RNF123: variants seen among roughly 807,000 people sequenced by gnomAD.
RNF123 encodes ring finger protein 123, also known as E3 ubiquitin-protein ligase RNF123.
A neutral mutation model predicts 168.5 loss-of-function variants in RNF123; 86 were observed. The ratio of observed to expected loss-of-function variants is 0.51; its 90% CI spans 0.43 to 0.61. RNF123 has a LOEUF of 0.61. Among genes scored for constraint, RNF123 ranks in the 20% least tolerant of loss-of-function variants. RNF123 has a pLI of 0.00. For synonymous variants in RNF123, 666 were observed against 689.1 expected, an observed-to-expected ratio of 0.97 and a Z score of 0.52; for missense variants, 1,419 against 1,729.7, an observed-to-expected ratio of 0.82 and a Z score of 3.19.
chr3:49,697,714 A>G (rs1309257968), intron 5 of RNF123, among the ~76,000 whole-genome samples, 171 bp from the exon 6 acceptor site: 1 of 152,024 alleles, frequency 6.6e-6, no homozygotes, highest in East Asian at 1.9e-4. Context: ...TTGGCCCAGG[A>G]TCCTTCCTGA....
In RNF123 at chr3:49,705,007, TG is replaced by T; in HGVS notation, c.1989del (p.Pro664HisfsTer27). ...AQRPMQALAVGGPLPLPRPGW... is the reference protein window; with the variant it reads ...AQRPMQALAVXGPLPLPRPGW... ...AGCGCCCCATGCAGGCCCTGGCTGT[TG>T]GGGGGCCACTGCCCCTGCCCCGGCC... On this transcript the variant is annotated frameshift_variant, in exon 23 of 39. Coordinates refer to ENST00000327697, the MANE Select transcript of RNF123 (RefSeq NM_022064.5). LOFTEE classifies it high-confidence loss of function. The T allele has an allele frequency of 6.2e-7, 1 of 1,607,878 alleles. No homozygotes were observed. Among genetic ancestry groups the T allele is most frequent in the Non-Finnish European group, 8.5e-7 (1 of 1,178,178 alleles).
Position 49,706,167 on chromosome 3 carries a change from A to T in RNF123, c.2388+102A>T. The T allele has an allele frequency of 2.9e-6, 3 of 1,043,592 alleles. No homozygotes were observed. In the South Asian group the frequency reaches 3.9e-5, roughly 14 times the overall value. 64.6% of individuals were successfully genotyped at this position (1,043,592 alleles called of 1,614,324 possible). A position where few individuals can be genotyped will look rare whatever the true frequency, so the allele number is the denominator to read the frequency against. On this transcript the variant is annotated intron_variant, in intron 25 of 38. Transcript: ENST00000327697. ...GGCTGCCCTGGCAGTTCTCATCCCC[A>T]CTCTAGCCCTGGCCATAGCACGCCA...
At chr3:49,712,976 T>C in intron 27 of RNF123, 3 of 701,944 alleles carry the variant, frequency 4.3e-6, no homozygotes, top group Non-Finnish European at 7.8e-6. Flanking sequence ...GCCTTGCACC[T>C]TGACTCCCTG....
chr3:49,718,352 G>A (rs1424735925), intron 35 of RNF123: 1 of 1,613,372 alleles, frequency 6.2e-7, no homozygotes, highest in South Asian at 1.1e-5. Flanking sequence ...CGCGGAAAGT[G>A]CACGCTCACG....
chr3:49,695,740 G>A (rs1485584846), intron 3 of RNF123, among the ~76,000 whole-genome samples: 2 of 152,212 alleles, frequency 1.3e-5, no homozygotes, highest in African/African-American at 4.8e-5. Context: ...AGAGCAGGTG[G>A]TGGCACCCTG....
Position 49,702,030 on chromosome 3 carries a change from C to A in RNF123, c.1496-53C>A, listed in dbSNP as rs1247701007. On this transcript the variant is annotated intron_variant, in intron 17 of 38. Coordinates refer to ENST00000327697, the MANE Select transcript of RNF123 (RefSeq NM_022064.5). ...CCTGGTGGTGGAGCCCTGGCCCAAA[C>A]CTGCCCCCCATCTCCTGGAGCCTGA... 2.9e-5 allele frequency: 46 copies of A among 1,594,380 alleles called. 1 individual carries two copies. In the East Asian group the frequency reaches 9.0e-4, roughly 31 times the overall value.
In RNF123 at chr3:49,697,961, G is replaced by A. The variant is rs1379084226; in HGVS notation, c.397+22G>A. 3.1e-6 allele frequency: 5 copies of A among 1,614,038 alleles called. No individual in the cohort carries two copies. The Admixed American group carries it at 8.3e-5, about 27-fold the overall frequency. ...AAAGGTGAGACCTTACCCTGCTGTG[G>A]CCTAGGTAGTGAGGAGAAAGTTTAA... On this transcript the variant is annotated intron_variant, in intron 6 of 38. Transcript: ENST00000327697.
chr3:49,719,783 T>G (rs1257964054), intron 35 of RNF123: 1 of 302,496 alleles, frequency 3.3e-6, no homozygotes, highest in Non-Finnish European at 6.5e-6. Context: ...TACATCCCTT[T>G]GTGCCCAATG....
chr3:49,694,386 AT>A (rs2054228019), intron 3 of RNF123, among the ~76,000 whole-genome samples: 1 of 152,120 alleles, frequency 6.6e-6, no homozygotes, highest in African/African-American at 2.4e-5. Flanking sequence ...TCCCGTGAGT[AT>A]TTTTCCCCAT....
In RNF123 at chr3:49,713,506, C is replaced by G. The variant is rs910044484; in HGVS notation, c.2675-7C>G. On this transcript the variant is annotated splice_polypyrimidine_tract_variant and splice_region_variant and intron_variant, in intron 27 of 38. Transcript: ENST00000327697. ...CAGCCGACACGTCTCACTTCCCACC[C>G]TTGCAGGCTATGAAGAGACCCTGAC... The G allele has an allele frequency of 3.7e-6, 6 of 1,605,126 alleles. No individual in the cohort carries two copies. The African/African-American group carries it at 8.0e-5, about 21-fold the overall frequency.
Position 49,706,931 on chromosome 3 carries a change from C to G in RNF123, c.2496+33C>G, listed in dbSNP as rs1384206543. 6.3e-6 allele frequency: 10 copies of G among 1,581,992 alleles called. No homozygotes were observed. In the Admixed American group the frequency reaches 1.7e-4, roughly 26 times the overall value. On this transcript the variant is annotated intron_variant, in intron 26 of 38. Coordinates refer to ENST00000327697, the MANE Select transcript of RNF123 (RefSeq NM_022064.5). Reference sequence around the variant, plus strand: ...GGTATTGCAGCTGCCCCTTCCCGACCTCACTGTCTGGCCACGGGTCTAGCA... The same window carrying G: ...GGTATTGCAGCTGCCCCTTCCCGACGTCACTGTCTGGCCACGGGTCTAGCA...
chr3:49,714,023 C>T (rs572638636), intron 30 of RNF123, 26 bp downstream of exon 30: 1 of 1,613,892 alleles, frequency 6.2e-7, no homozygotes, highest in East Asian at 2.2e-5. Context: ...GGGGAAGTGG[C>T]TGAGGCTGGC....
At position 49,721,252 on chromosome 3, in the gene RNF123, G is replaced by A. The variant is rs146833478; in HGVS notation, c.3892G>A (p.Val1298Ile). The A allele has an allele frequency of 1.9e-6, 3 of 1,614,100 alleles. No homozygotes were observed. In the African/African-American group the frequency reaches 4.0e-5, roughly 22 times the overall value. Reference protein sequence around the residue: ...CFFCKTTIVSVEDWEKGANTS... With the variant: ...CFFCKTTIVSIEDWEKGANTS... ...CTTCTGCAAAACCACCATCGTGTCT[G>A]TAGAGGACTGGGAGAAGGGAGCCAA... The change falls in exon 39 of 39, where the codon GTA becomes ATA. Residue 1298 changes from valine to isoleucine, a missense_variant. Physicochemically the swap from Val to Ile is conservative, Grantham distance 29 (BLOSUM62 3). Coordinates refer to ENST00000327697, the MANE Select transcript of RNF123 (RefSeq NM_022064.5).
rs763117926 is a variant in RNF123, at chr3:49,705,110, C to T, written c.2086C>T (p.Arg696Trp). Residue 696 changes from arginine to tryptophan, a missense_variant, in exon 23 of 39, where the codon CGG (arginine) becomes TGG (tryptophan). Coordinates refer to ENST00000327697, the MANE Select transcript of RNF123 (RefSeq NM_022064.5). Reference sequence around the variant, plus strand: ...AGCGGCTGTGAGCCTCATGACCCCACGGCGGCCTCTGAGCACCTCGGAGAA... The same window carrying T: ...AGCGGCTGTGAGCCTCATGACCCCATGGCGGCCTCTGAGCACCTCGGAGAA... ...STAAVSLMTP[R>W]RPLSTSEKVK... The T allele has an allele frequency of 1.1e-5, 17 of 1,610,656 alleles. No homozygotes were observed. The highest frequency in any genetic ancestry group is 2.2e-5 in the East Asian group (1 of 44,754).
chr3:49,712,996 A>C, intron 27 of RNF123: 1 of 696,506 alleles, frequency 1.4e-6, no homozygotes, highest in Non-Finnish European at 2.6e-6. Context: ...GGCACTGGTC[A>C]CAAAGCGTAG....
intron 35 of RNF123, chr3:49,717,882 C>G: frequency 6.6e-7 from 1 of 1,521,330 alleles, no homozygotes; most frequent in Non-Finnish European, 8.8e-7. Context: ...TGCCAGTTCT[C>G]TGGACCGAAG....
Position 49,716,404 on chromosome 3 carries a change from G to A in RNF123, c.3427G>A (p.Val1143Met), listed in dbSNP as rs149412652. The A allele has an allele frequency of 1.1e-5, 18 of 1,613,876 alleles. No homozygotes were observed. Among genetic ancestry groups the A allele is most frequent in the South Asian group, 2.2e-5 (2 of 91,082 alleles). Residue 1143 changes from valine to methionine, a missense_variant, in exon 35 of 39, where the codon GTG becomes ATG. Transcript: ENST00000327697. ...CCCCTTCCCCTCAGGCCTAGAGAGCGTGGACCACTATCCCATTCTGGTGGC... is the reference window on the plus strand; with the variant it reads ...CCCCTTCCCCTCAGGCCTAGAGAGCATGGACCACTATCCCATTCTGGTGGC... ...VTLRLPGLES[V>M]DHYPILVAVT...
At chr3:49,695,826 C>T (rs1306658114) in intron 3 of RNF123, among the ~76,000 whole-genome samples, 1 of 152,178 alleles carries the variant, frequency 6.6e-6, no homozygotes, top group Non-Finnish European at 1.5e-5. Flanking sequence ...CCCTGCTATT[C>T]TTAGCAGCTG....
intron 27 of RNF123, chr3:49,713,297 C>G: frequency 1.7e-6 from 1 of 600,528 alleles, no homozygotes; most frequent in Non-Finnish European, 3.0e-6. Context: ...AGGGCTCCTG[C>G]CAGGGCCTGT....
Sources: gnomAD v4.1 joint callset for allele counts (sites outside exome capture counted in the v4.1 genomes callset) on GRCh38, gnomAD v4.1.1 for gene constraint, MANE v1.5 for transcripts, NCBI Gene and HGNC (gene_info 2026-07-23, HGNC 2026-07-21) for gene names.